The following BMP6 variants were observed in gnomAD, a reference collection of about 807,000 sequenced individuals.
BMP6 encodes the protein bone morphogenetic protein 6, also known as VG-1-R.
In BMP6, 17 loss-of-function variants were observed where a neutral mutation model predicts 54.1. The observed-to-expected ratio is 0.31, with a 90% confidence interval of 0.22 to 0.47. The LOEUF is 0.47. Among genes scored for constraint, BMP6 ranks in the 20% least tolerant of loss-of-function variants. The pLI is 1.00. For synonymous variants in BMP6, 328 were observed against 291.2 expected, an observed-to-expected ratio of 1.13 and a Z score of -1.28; for missense variants, 720 against 690.4, an observed-to-expected ratio of 1.04 and a Z score of -0.48.
intron 1 of BMP6, among the ~76,000 whole-genome samples, chr6:7,809,807 A>G (rs1415548127): frequency 1.3e-5 from 2 of 152,250 alleles, no homozygotes; most frequent in Non-Finnish European, 2.9e-5. Flanking sequence ...CTTGCTATGT[A>G]CAAAGTAGCC....
At chr6:7,862,751 A>G (rs2113278588) in intron 4 of BMP6, among the ~76,000 whole-genome samples, 1 of 152,290 alleles carries the variant, frequency 6.6e-6, no homozygotes, top group Admixed American at 6.5e-5. Context: ...CCAGACAAGC[A>G]TCTTTCTGTT....
intron 1 of BMP6, among the ~76,000 whole-genome samples, chr6:7,791,091 C>T (rs1202064028): frequency 6.6e-6 from 1 of 152,222 alleles, no homozygotes. Context: ...CCTTCCTTCT[C>T]TTCTGCTCCC....
At chr6:7,879,934 CAAAT>C in intron 5 of BMP6, 53 bp from the exon 6 acceptor site, 2 of 1,529,196 alleles carry the variant, frequency 1.3e-6, no homozygotes, top group Non-Finnish European at 1.8e-6. Context: ...CTGAAAAGCA[CAAAT>C]AGTGTGAGAA....
Position 7,880,185 on chromosome 6 carries a change from T to C in BMP6, c.1393-9T>C. On this transcript the variant is annotated splice_polypyrimidine_tract_variant and intron_variant, in intron 6 of 6. Transcript: ENST00000283147. ...CTAAGGTACCTTCTCCCCTTCTGTTTTGGAACAGGTTCACCTTATGAACCC... is the reference window on the plus strand; with the variant it reads ...CTAAGGTACCTTCTCCCCTTCTGTTCTGGAACAGGTTCACCTTATGAACCC... 6 of 1,614,142 alleles carry C rather than the reference T, an allele frequency of 3.7e-6. No individual in the cohort carries two copies. The highest frequency in any genetic ancestry group is 5.1e-6 in the Non-Finnish European group (6 of 1,180,020).
At chr6:7,853,129 T>C (rs563539919) in intron 2 of BMP6, among the ~76,000 whole-genome samples, 7 of 152,102 alleles carry the variant, frequency 4.6e-5, no homozygotes, top group Non-Finnish European at 7.4e-5. Flanking sequence ...CCTTAATGCA[T>C]TTCCTTTCTC....
chr6:7,865,122 G>A (rs1462290307), intron 4 of BMP6, among the ~76,000 whole-genome samples: 1 of 152,126 alleles, frequency 6.6e-6, no homozygotes, highest in East Asian at 1.9e-4. Flanking sequence ...AAAAGATGTT[G>A]TGTCTGATTT....
At chr6:7,866,956 C>T (rs765316380) in intron 4 of BMP6, among the ~76,000 whole-genome samples, 11 of 152,188 alleles carry the variant, frequency 7.2e-5, no homozygotes, top group Non-Finnish European at 1.5e-4. Context: ...CTGCAACCTC[C>T]TCCTCCCGGG....
chr6:7,856,329 G>C (rs1378873637), intron 2 of BMP6, among the ~76,000 whole-genome samples: 1 of 151,942 alleles, frequency 6.6e-6, no homozygotes, highest in Non-Finnish European at 1.5e-5. Context: ...AAAGTAAAAA[G>C]CATGAGCTTG....
intron 2 of BMP6, among the ~76,000 whole-genome samples, chr6:7,860,728 T>C (rs1286974782): frequency 6.6e-6 from 1 of 152,202 alleles, no homozygotes; most frequent in East Asian, 1.9e-4. Context: ...GACTGGGTAC[T>C]CACTGCAGAC....
intron 1 of BMP6, among the ~76,000 whole-genome samples, chr6:7,837,221 TG>T (rs1758889642): frequency 6.6e-6 from 1 of 152,236 alleles, no homozygotes; most frequent in African/African-American, 2.4e-5. Flanking sequence ...TTATCTTTTG[TG>T]TTTGTAGTTT....
intron 1 of BMP6, among the ~76,000 whole-genome samples, chr6:7,842,620 C>G (rs1279300554): frequency 2.0e-5 from 3 of 152,114 alleles, no homozygotes; most frequent in African/African-American, 7.2e-5. Flanking sequence ...TCTGTTGGTC[C>G]AAAACAGGTC....
intron 1 of BMP6, among the ~76,000 whole-genome samples, chr6:7,800,625 A>G (rs1758255318): frequency 6.6e-6 from 1 of 152,072 alleles, no homozygotes; most frequent in South Asian, 2.1e-4. Context: ...CTACTATAAA[A>G]GCACCTTTCT....
At chr6:7,875,405 C>G (rs992034546) in intron 4 of BMP6, among the ~76,000 whole-genome samples, 1 of 152,168 alleles carries the variant, frequency 6.6e-6, no homozygotes, top group Middle Eastern at 3.2e-3. Context: ...TTGCCAGACT[C>G]AGTAGCTTAC....
chr6:7,777,505 A>G (rs550825213), intron 1 of BMP6, among the ~76,000 whole-genome samples: 36 of 152,284 alleles, frequency 2.4e-4, no homozygotes, highest in Admixed American at 2.1e-3. Context: ...TGGAGAATCG[A>G]AGATACAGAG....
At chr6:7,809,472 C>T (rs189863436) in intron 1 of BMP6, among the ~76,000 whole-genome samples, 23 of 152,228 alleles carry the variant, frequency 1.5e-4, no homozygotes, top group Non-Finnish European at 5.9e-5. Context: ...AAAAAGAATG[C>T]GTAGCATGAG....
chr6:7,875,140 GGTATAA>G (rs1340072002), intron 4 of BMP6, among the ~76,000 whole-genome samples: 2 of 152,054 alleles, frequency 1.3e-5, no homozygotes, highest in African/African-American at 2.4e-5. Context: ...GAGGGCTGCT[GGTATAA>G]GTCCTGAAGT....
At chr6:7,772,724 G>T (rs1757809237) in intron 1 of BMP6, among the ~76,000 whole-genome samples, 1 of 152,144 alleles carries the variant, frequency 6.6e-6, no homozygotes, top group South Asian at 2.1e-4. Flanking sequence ...ATGAGGCTAA[G>T]TCTCCTCTCC....
In BMP6 at chr6:7,862,402, G is replaced by A. The variant is rs144134653; in HGVS notation, c.1108G>A (p.Val370Met). The A allele has an allele frequency of 1.1e-5, 18 of 1,614,194 alleles. No individual in the cohort carries two copies. In the East Asian group the frequency reaches 2.2e-4, roughly 20 times the overall value. Residue 370 changes from valine (V) to methionine (M), a missense_variant, in exon 4 of 7, where the codon GTG (valine) becomes ATG (methionine). Physicochemically the swap from Val to Met is conservative, Grantham distance 21. This residue lies in a region of BMP6 where 650 missense variants were observed against 556.3 expected (regional missense o/e 1.17). Coordinates refer to ENST00000283147, the MANE Select transcript of BMP6 (RefSeq NM_001718.6). ...VAFFKVSEVHVRTTRSASSRR... is the reference protein window; with the variant it reads ...VAFFKVSEVHMRTTRSASSRR... ...TTTCTTCAAAGTGAGTGAGGTGCAC[G>A]TGCGCACCACCAGGTCAGCCTCCAG...
At chr6:7,778,564 A>G (rs1278385604) in intron 1 of BMP6, among the ~76,000 whole-genome samples, 1 of 152,104 alleles carries the variant, frequency 6.6e-6, no homozygotes, top group African/African-American at 2.4e-5. Flanking sequence ...CTTCCTAGAC[A>G]TTGTTTCTGT....
Sources: allele counts gnomAD v4.1 joint callset (sites outside exome capture counted in the v4.1 genomes callset), GRCh38; gene constraint gnomAD v4.1.1; regional missense constraint gnomAD v4.1.1; transcripts MANE v1.5; gene names NCBI Gene and HGNC (gene_info 2026-07-23, HGNC 2026-07-21).